TMCC1: variants seen among roughly 807,000 people sequenced by gnomAD.
TMCC1 encodes the protein transmembrane and coiled-coil domain family 1.
TMCC1 carries 15 observed loss-of-function variants against 52.4 expected under a neutral mutation model. The ratio of observed to expected loss-of-function variants is 0.29; its 90% CI spans 0.19 to 0.44. The LOEUF (loss-of-function observed/expected upper bound fraction) is 0.44, where lower values mean the gene tolerates loss of function less well. Among genes scored for constraint, TMCC1 ranks in the 20% least tolerant of loss-of-function variants. The probability of loss-of-function intolerance (pLI) is 1.00; values close to 1 mark genes in which losing one functional copy is unlikely to be tolerated. For synonymous variants in TMCC1, 279 were observed against 301.9 expected, an observed-to-expected ratio of 0.92 and a Z score of 0.79; for missense variants, 503 against 806.0, an observed-to-expected ratio of 0.62 and a Z score of 4.55.
intron 4 of TMCC1, among the ~76,000 whole-genome samples, chr3:129,748,214 T>G (rs2052157565): frequency 6.6e-6 from 1 of 152,208 alleles, no homozygotes; most frequent in Non-Finnish European, 1.5e-5. Flanking sequence ...AACAGCCATG[T>G]CATCATGCCA....
At chr3:129,683,381 C>A (rs946713240) in intron 4 of TMCC1, among the ~76,000 whole-genome samples, 25 of 152,144 alleles carry the variant, frequency 1.6e-4, no homozygotes, top group Admixed American at 6.6e-5. Context: ...TCTTATTAAT[C>A]CAGTGAGGCA....
intron 2 of TMCC1, among the ~76,000 whole-genome samples, chr3:129,837,982 A>AT (rs1446752614): frequency 6.6e-6 from 1 of 152,180 alleles, no homozygotes; most frequent in African/African-American, 2.4e-5. Flanking sequence ...GAGAAAAGAG[A>AT]TTTTCCCACC....
intron 4 of TMCC1, among the ~76,000 whole-genome samples, chr3:129,806,398 G>C (rs2057468212): frequency 6.6e-6 from 1 of 152,140 alleles, no homozygotes; most frequent in Admixed American, 6.5e-5. Context: ...TCGTCTTATG[G>C]AACACAGGCA....
intron 4 of TMCC1, among the ~76,000 whole-genome samples, chr3:129,787,772 T>C (rs1317814466): frequency 1.3e-5 from 2 of 152,230 alleles, no homozygotes; most frequent in Non-Finnish European, 2.9e-5. Flanking sequence ...TACAAACTTA[T>C]GTGTTACTTA....
rs374083762 is a variant in TMCC1, at chr3:129,865,352, T to C, written c.-184+14957A>G. On this transcript the variant is annotated intron_variant, in intron 2 of 6. Coordinates refer to ENST00000393238, the MANE Select transcript of TMCC1 (RefSeq NM_001017395.5). ...TTTTTATAGAGACGGGGTTTTGCCA[T>C]GTTGCCCAGGCTTGTTTCAAACTCG... Among the ~76,000 whole-genome samples, 7 of 151,842 alleles carry C rather than the reference T, an allele frequency of 4.6e-5. No homozygotes were observed. In the East Asian group the frequency reaches 1.4e-3, roughly 29 times the overall value.
At chr3:129,788,257 G>A (rs1486983070) in intron 4 of TMCC1, among the ~76,000 whole-genome samples, 2 of 152,030 alleles carry the variant, frequency 1.3e-5, no homozygotes, top group Non-Finnish European at 2.9e-5. Flanking sequence ...GCTCTCTCAG[G>A]TCTACATGGT....
chr3:129,668,779 C>A (rs2087675835), intron 5 of TMCC1, among the ~76,000 whole-genome samples: 1 of 152,148 alleles, frequency 6.6e-6, no homozygotes, highest in Non-Finnish European at 1.5e-5. Flanking sequence ...GCATGCGCCA[C>A]CATGCCCAGC....
At chr3:129,705,704 G>A (rs939416061) in intron 4 of TMCC1, among the ~76,000 whole-genome samples, 17 of 148,072 alleles carry the variant, frequency 1.1e-4, no homozygotes, top group Non-Finnish European at 2.1e-4. Flanking sequence ...CTGGGTTCAC[G>A]CCATTCTCCT....
At chr3:129,831,089 C>T (rs147046086) in intron 3 of TMCC1, among the ~76,000 whole-genome samples, 1 of 152,166 alleles carries the variant, frequency 6.6e-6, no homozygotes, top group East Asian at 1.9e-4. Flanking sequence ...CACGTGCCAC[C>T]ATGCACAGCT....
intron 2 of TMCC1, among the ~76,000 whole-genome samples, chr3:129,869,384 G>A (rs567330024): frequency 6.6e-6 from 1 of 152,196 alleles, no homozygotes; most frequent in South Asian, 2.1e-4. Context: ...AAACATAAGT[G>A]TTTTCCTGAG....
intron 4 of TMCC1, among the ~76,000 whole-genome samples, chr3:129,816,992 C>A (rs1020881867): frequency 6.6e-6 from 1 of 151,914 alleles, no homozygotes; most frequent in Non-Finnish European, 1.5e-5. Flanking sequence ...TGTACCACTG[C>A]ACTCCAACCT....
At chr3:129,725,700 T>C (rs2050022499) in intron 4 of TMCC1, among the ~76,000 whole-genome samples, 2 of 152,090 alleles carry the variant, frequency 1.3e-5, no homozygotes, top group Non-Finnish European at 2.9e-5. Flanking sequence ...TTTTTTGTTA[T>C]ACTTACACTA....
At chr3:129,858,958 C>T (rs1045391643) in intron 2 of TMCC1, among the ~76,000 whole-genome samples, 10 of 152,156 alleles carry the variant, frequency 6.6e-5, no homozygotes, top group Non-Finnish European at 1.5e-4. Context: ...AGATTATCTA[C>T]AAAACGTGTT....
chr3:129,876,518 G>T (rs1201619371), intron 2 of TMCC1, among the ~76,000 whole-genome samples: 1 of 152,146 alleles, frequency 6.6e-6, no homozygotes, highest in East Asian at 1.9e-4. Flanking sequence ...AAGGAGCCAG[G>T]TTCAGTGGCT....
At chr3:129,884,401 G>C (rs1417457661) in intron 1 of TMCC1, among the ~76,000 whole-genome samples, 1 of 152,156 alleles carries the variant, frequency 6.6e-6, no homozygotes, top group East Asian at 1.9e-4. Context: ...GCTGAGACGG[G>C]AGGATCACTT....
intron 4 of TMCC1, among the ~76,000 whole-genome samples, chr3:129,729,433 A>G (rs906630277): frequency 6.6e-6 from 1 of 152,196 alleles, no homozygotes; most frequent in African/African-American, 2.4e-5. Flanking sequence ...AAGACATTTG[A>G]CCATGTATTA....
At chr3:129,759,082 C>T (rs2053266164) in intron 4 of TMCC1, among the ~76,000 whole-genome samples, 2 of 152,170 alleles carry the variant, frequency 1.3e-5, no homozygotes, top group South Asian at 4.1e-4. Flanking sequence ...ATCTGGATGG[C>T]TTCCACCTGT....
chr3:129,778,678 G>GGA (rs903161711), intron 4 of TMCC1, among the ~76,000 whole-genome samples: 3 of 151,104 alleles, frequency 2.0e-5, no homozygotes, highest in South Asian at 2.1e-4. Context: ...TCATGGTGGG[G>GGA]GGGGGGCAGT....
At chr3:129,689,458 G>C (rs2089644214) in intron 4 of TMCC1, among the ~76,000 whole-genome samples, 1 of 152,192 alleles carries the variant, frequency 6.6e-6, no homozygotes, top group African/African-American at 2.4e-5. Context: ...CATGTATAAA[G>C]TATATCTACT....
Sources: allele counts gnomAD v4.1 joint callset (sites outside exome capture counted in the v4.1 genomes callset), GRCh38; gene constraint gnomAD v4.1.1; transcripts MANE v1.5; gene names NCBI Gene and HGNC (gene_info 2026-07-23, HGNC 2026-07-21).